Variants in OSBPL10 observed in about 807,000 individuals in gnomAD.
OSBPL10 encodes the protein oxysterol-binding protein-related protein 10.
Under a neutral mutation model 81.7 loss-of-function variants are expected in OSBPL10, and 49 were observed. The observed-to-expected ratio is 0.60, with a 90% CI of 0.48 to 0.76. The LOEUF is 0.76. OSBPL10 is among the 30% of genes least tolerant of loss of function. OSBPL10 has a pLI of 0.00. For missense variants in OSBPL10, 923 were observed against 987.8 expected, an observed-to-expected ratio of 0.93 and a Z score of 0.88; for synonymous variants, 419 against 383.6, an observed-to-expected ratio of 1.09 and a Z score of -1.08.
chr3:32,049,471 C>T (rs1235717790), intron 1 of OSBPL10, among the ~76,000 whole-genome samples: 1 of 152,144 alleles, frequency 6.6e-6, no homozygotes, highest in Non-Finnish European at 1.5e-5. Flanking sequence ...AGGAGAGTCT[C>T]TCTAAAGACA....
intron 4 of OSBPL10, among the ~76,000 whole-genome samples, chr3:31,820,685 C>T (rs894558565): frequency 2.0e-5 from 3 of 152,074 alleles, no homozygotes; most frequent in African/African-American, 7.2e-5. Flanking sequence ...AAAGAAGTAC[C>T]TAAGTGTGCC....
At chr3:31,895,134 CT>C (rs10529845) in intron 1 of OSBPL10, among the ~76,000 whole-genome samples, 10,733 of 124,786 alleles carry the variant, frequency 0.086, 465 homozygotes, top group South Asian at 0.11. Context: ...TCTCTGCGGC[CT>C]TTTTTTTTTT....
chr3:32,057,511 T>C (rs1699721413), intron 1 of OSBPL10, among the ~76,000 whole-genome samples: 1 of 152,124 alleles, frequency 6.6e-6, no homozygotes, highest in Non-Finnish European at 1.5e-5. Context: ...AAACTTATAA[T>C]CATGGCAGAA....
intron 4 of OSBPL10, among the ~76,000 whole-genome samples, chr3:31,759,680 A>AT (rs1222899044): frequency 3.3e-5 from 5 of 152,224 alleles, no homozygotes; most frequent in Non-Finnish European, 7.3e-5. Context: ...AGGCTTACCG[A>AT]TAACATTAGC....
intron 3 of OSBPL10, among the ~76,000 whole-genome samples, chr3:31,830,467 G>T (rs1332991824): frequency 6.6e-6 from 1 of 152,098 alleles, no homozygotes; most frequent in Non-Finnish European, 1.5e-5. Flanking sequence ...CCTACGCTAT[G>T]GCCATGAACA....
At chr3:31,836,292 T>G (rs1336170672) in intron 3 of OSBPL10, among the ~76,000 whole-genome samples, 1 of 152,210 alleles carries the variant, frequency 6.6e-6, no homozygotes, top group Non-Finnish European at 1.5e-5. Context: ...AATGGCAATA[T>G]AAATGCATGC....
Position 31,879,766 on chromosome 3 carries a change from G to A in OSBPL10, c.346C>T (p.Gln116Ter). The change falls in exon 2 of 12, where the codon CAG (glutamine) becomes TAG (stop). Residue 116 changes from glutamine (Q) to a stop codon, truncating the protein, a stop_gained. Coordinates refer to ENST00000396556, the MANE Select transcript of OSBPL10 (RefSeq NM_017784.5). LOFTEE classifies it high-confidence loss of function. ...AAAGACAGGACTCCTCGAGGCTTCT[G>A]GTGTTTGCTTTGCTCATTCACAAAA... The part of the protein sequence containing the change: ...QYFVNEQSKH[Q>*]KPRGVLSLSG... 6.2e-7 allele frequency: 1 copy of A among 1,614,168 alleles called. No individual in the cohort carries two copies.
intron 3 of OSBPL10, among the ~76,000 whole-genome samples, chr3:31,875,090 A>C (rs1701418762): frequency 6.6e-6 from 1 of 151,290 alleles, no homozygotes; most frequent in Non-Finnish European, 1.5e-5. Context: ...AGTAAAAAAA[A>C]AAAAAAAAAA....
intron 1 of OSBPL10, among the ~76,000 whole-genome samples, chr3:31,947,873 A>G (rs1434878208): frequency 6.6e-6 from 1 of 151,150 alleles, no homozygotes; most frequent in African/African-American, 2.5e-5. Flanking sequence ...GAAACTGCAT[A>G]GGAGTTGAGA....
chr3:31,783,788 TTAAAAA>T lies in OSBPL10; in HGVS notation c.730-35674_730-35669del, dbSNP rs1326332532. Among the ~76,000 whole-genome samples the T allele has an allele frequency of 8.0e-3, 151 of 18,798 alleles. 10 individuals carry two copies. Among genetic ancestry groups the T allele is most frequent in the East Asian group, 0.021 (8 of 374 alleles). The allele number at this position is 18,798 out of a possible 152,430, so 12.3% of individuals were successfully genotyped here. On this transcript the variant is annotated intron_variant, in intron 4 of 11. Transcript: ENST00000396556. Reference sequence around the variant, plus strand: ...ACTGGGTGACAGAGCAAGACTCCGATTAAAAAAAAAAAAAAAAAAAAAAAAAAAAAA... The same window carrying T: ...ACTGGGTGACAGAGCAAGACTCCGATAAAAAAAAAAAAAAAAAAAAAAAAA...
At chr3:31,985,852 C>T (rs147568498), upstream of OSBPL10, among the ~76,000 whole-genome samples, 44 of 152,222 alleles carry the variant, frequency 2.9e-4, no homozygotes, top group Non-Finnish European at 5.4e-4. Flanking sequence ...CTCATTAAAT[C>T]CTCACAACAA....
intron 3 of OSBPL10, among the ~76,000 whole-genome samples, chr3:31,845,263 G>A (rs147626432): frequency 2.0e-5 from 3 of 152,066 alleles, no homozygotes; most frequent in Non-Finnish European, 4.4e-5. Context: ...TATGCCACAA[G>A]GTATGTGGAA....
At chr3:31,814,485 G>A (rs573453897) in intron 4 of OSBPL10, among the ~76,000 whole-genome samples, 76 of 152,216 alleles carry the variant, frequency 5.0e-4, no homozygotes, top group Non-Finnish European at 9.0e-4. Flanking sequence ...AGTAACTGGT[G>A]GCCTTTTAAG....
chr3:31,834,877 A>G (rs1346639438), intron 3 of OSBPL10, among the ~76,000 whole-genome samples: 1 of 152,162 alleles, frequency 6.6e-6, no homozygotes, highest in Non-Finnish European at 1.5e-5. Context: ...GGGCTCCAAC[A>G]CTTGCAAGCT....
chr3:31,919,563 A>G (rs1439975907), intron 1 of OSBPL10: 3 of 152,224 alleles, frequency 2.0e-5, no homozygotes, highest in Non-Finnish European at 4.4e-5. Flanking sequence ...GACACCTTCT[A>G]GAATTCCAGG....
intron 3 of OSBPL10, among the ~76,000 whole-genome samples, chr3:31,868,040 G>T (rs1314155377): frequency 1.3e-5 from 2 of 151,622 alleles, no homozygotes; most frequent in Non-Finnish European, 2.9e-5. Context: ...TACAAGTTCC[G>T]TGCATATGAA....
intron 1 of OSBPL10, among the ~76,000 whole-genome samples, chr3:31,884,623 G>A (rs1315383471): frequency 2.0e-5 from 3 of 152,164 alleles, no homozygotes; most frequent in Admixed American, 6.5e-5. Context: ...TTAGGAGCAC[G>A]CAGCTATATC....
chr3:32,070,161 C>A (rs1699817150), intron 1 of OSBPL10, among the ~76,000 whole-genome samples: 1 of 152,266 alleles, frequency 6.6e-6, no homozygotes. Flanking sequence ...GTAAGTCCGT[C>A]CCCTATTTAA....
At chr3:31,942,938 ACTAT>A (rs1172983451) in intron 1 of OSBPL10, among the ~76,000 whole-genome samples, 7 of 152,332 alleles carry the variant, frequency 4.6e-5, no homozygotes, top group African/African-American at 1.7e-4. Flanking sequence ...AACCATCACT[ACTAT>A]CTATTTCCAA....
Sources: allele counts gnomAD v4.1 joint callset (sites outside exome capture counted in the v4.1 genomes callset), GRCh38; gene constraint gnomAD v4.1.1; transcripts MANE v1.5; gene names NCBI Gene and HGNC (gene_info 2026-07-23, HGNC 2026-07-21).